LRP6: variants seen among roughly 807,000 people sequenced by gnomAD.
LRP6 encodes LDL receptor related protein 6.
Under a neutral mutation model 184.1 loss-of-function variants are expected in LRP6, and 43 were observed. The observed-to-expected ratio is 0.23, with a 90% CI of 0.18 to 0.30. LRP6 has a LOEUF of 0.30. Ranked by LOEUF, LRP6 falls within the 10% of genes least tolerant of loss-of-function variation. The probability of loss-of-function intolerance (pLI) is 1.00; values close to 1 mark genes in which losing one functional copy is unlikely to be tolerated. For missense variants in LRP6, 1,571 were observed against 2,005.3 expected, an observed-to-expected ratio of 0.78 and a Z score of 4.14; for synonymous variants, 719 against 684.9, an observed-to-expected ratio of 1.05 and a Z score of -0.78.
chr12:12,248,186 C>A (rs1565711167), intron 1 of LRP6, among the ~76,000 whole-genome samples: 4 of 152,190 alleles, frequency 2.6e-5, no homozygotes, highest in African/African-American at 9.6e-5. Flanking sequence ...TCCTTACCTC[C>A]TCTCTACAAC....
In LRP6 at chr12:12,199,193, T is replaced by C. The variant is rs116398205; in HGVS notation, c.647+4010A>G. Among the ~76,000 whole-genome samples the C allele has an allele frequency of 8.2e-3, 1,249 of 152,126 alleles. 8 individuals carry two copies. Among genetic ancestry groups the C allele is most frequent in the African/African-American group, 0.028 (1,180 of 41,504 alleles). On this transcript the variant is annotated intron_variant, in intron 3 of 22. Coordinates refer to ENST00000261349, the MANE Select transcript of LRP6 (RefSeq NM_002336.3). Reference sequence around the variant, plus strand: ...CAGTTATATACACTGAATTGAACCTTTGGCACTAGGAATCACAGCATTTTG... The same window carrying C: ...CAGTTATATACACTGAATTGAACCTCTGGCACTAGGAATCACAGCATTTTG...
intron 7 of LRP6, among the ~76,000 whole-genome samples, chr12:12,167,368 G>A (rs1399356522): frequency 6.6e-6 from 1 of 152,160 alleles, no homozygotes; most frequent in African/African-American, 2.4e-5. Flanking sequence ...AGCAGTCCAG[G>A]CGCGGTGGCT....
intron 2 of LRP6, among the ~76,000 whole-genome samples, chr12:12,231,180 CAAAAAAAAAAAAAAAAAA>C (rs10661340): frequency 4.2e-5 from 1 of 23,558 alleles, no homozygotes; most frequent in Non-Finnish European, 6.6e-5. Context: ...GACTCCATCT[CAAAAAAAAAAAAAAAAAA>C]AAAAAAAAAA....
At chr12:12,218,391 C>G (rs1189731819) in intron 2 of LRP6, among the ~76,000 whole-genome samples, 1 of 151,556 alleles carries the variant, frequency 6.6e-6, no homozygotes, top group African/African-American at 2.4e-5. Flanking sequence ...ATGGGAGAAT[C>G]GCTTGAGCCC....
intron 3 of LRP6, among the ~76,000 whole-genome samples, chr12:12,195,453 T>A (rs972092591): frequency 2.6e-5 from 4 of 152,172 alleles, no homozygotes; most frequent in African/African-American, 9.6e-5. Context: ...TGATTTGTGA[T>A]GTTGAGCATT....
chr12:12,212,344 A>G (rs577140933), intron 2 of LRP6, among the ~76,000 whole-genome samples: 42 of 152,304 alleles, frequency 2.8e-4, no homozygotes, highest in African/African-American at 9.6e-4. Context: ...TAATGATTAC[A>G]TTATTCTACT....
At chr12:12,243,761 A>AT (rs1171253029) in intron 2 of LRP6, among the ~76,000 whole-genome samples, 2 of 152,008 alleles carry the variant, frequency 1.3e-5, no homozygotes, top group African/African-American at 4.8e-5. Flanking sequence ...ACAAAAAAAA[A>AT]TTTTTTTGAG....
At chr12:12,167,707 C>T (rs1331667796) in intron 7 of LRP6, among the ~76,000 whole-genome samples, 4 of 151,590 alleles carry the variant, frequency 2.6e-5, no homozygotes, top group African/African-American at 4.8e-5. Flanking sequence ...TAAAATAATG[C>T]TAAATATATA....
chr12:12,230,748 A>C (rs1385520799), intron 2 of LRP6, among the ~76,000 whole-genome samples: 3 of 152,232 alleles, frequency 2.0e-5, no homozygotes, highest in Non-Finnish European at 4.4e-5. Context: ...TTCTTTTACA[A>C]AACATCTAGA....
intron 7 of LRP6, among the ~76,000 whole-genome samples, 184 bp downstream of exon 7, chr12:12,179,626 G>C (rs1863292631): frequency 6.6e-6 from 1 of 151,984 alleles, no homozygotes; most frequent in Non-Finnish European, 1.5e-5. Context: ...CTCCATCCTA[G>C]GATTATGTGG....
chr12:12,223,290 A>G (rs1864538009), intron 2 of LRP6, among the ~76,000 whole-genome samples: 1 of 152,148 alleles, frequency 6.6e-6, no homozygotes, highest in African/African-American at 2.4e-5. Flanking sequence ...TGAACATCCT[A>G]CAAGTCTTGC....
intron 17 of LRP6, among the ~76,000 whole-genome samples, chr12:12,133,121 G>T (rs1949780585): frequency 6.6e-6 from 1 of 152,200 alleles, no homozygotes; most frequent in African/African-American, 2.4e-5. Context: ...GAGAATTAAA[G>T]TAGATAAAAT....
At chr12:12,167,264 A>T (rs910187140) in intron 7 of LRP6, among the ~76,000 whole-genome samples, 1 of 152,156 alleles carries the variant, frequency 6.6e-6, no homozygotes, top group African/African-American at 2.4e-5. Flanking sequence ...ATGATCAGCA[A>T]ACAGTATTGT....
intron 2 of LRP6, among the ~76,000 whole-genome samples, chr12:12,226,991 G>C (rs1367032092): frequency 6.6e-6 from 1 of 151,790 alleles, no homozygotes. Context: ...CTAACACCTT[G>C]GCATATCATA....
intron 9 of LRP6, 38 bp from the exon 10 acceptor site, chr12:12,162,457 A>T: frequency 2.6e-6 from 4 of 1,529,064 alleles, no homozygotes; most frequent in Non-Finnish European, 3.6e-6. Flanking sequence ...ATATGGCATA[A>T]GTCTAAACCC....
At chr12:12,125,164 T>C (rs1027559528) in intron 21 of LRP6, 132 bp downstream of exon 21, 3 of 989,232 alleles carry the variant, frequency 3.0e-6, no homozygotes, top group African/African-American at 1.6e-5. Context: ...GTAAGTCCTT[T>C]GAGCCTTTTA....
At chr12:12,213,730 G>A (rs554351940) in intron 2 of LRP6, among the ~76,000 whole-genome samples, 2 of 151,836 alleles carry the variant, frequency 1.3e-5, no homozygotes, top group East Asian at 3.9e-4. Flanking sequence ...CTAGTATGAC[G>A]TCCCTTCCCT....
chr12:12,135,125 T>C (rs1213254763), intron 17 of LRP6, 50 bp downstream of exon 17: 1 of 1,612,360 alleles, frequency 6.2e-7, no homozygotes, highest in Non-Finnish European at 8.5e-7. Context: ...GCTTAAGATA[T>C]GGAATATGTT....
chr12:12,224,156 T>C (rs1032581797), intron 2 of LRP6, among the ~76,000 whole-genome samples: 2 of 152,206 alleles, frequency 1.3e-5, no homozygotes, highest in Non-Finnish European at 2.9e-5. Flanking sequence ...CTGCATTCCA[T>C]CCTGGAATCC....
Sources: allele counts gnomAD v4.1 joint callset (sites outside exome capture counted in the v4.1 genomes callset), GRCh38; gene constraint gnomAD v4.1.1; transcripts MANE v1.5; gene names NCBI Gene and HGNC (gene_info 2026-07-23, HGNC 2026-07-21).